Variants in ADRA1A observed in about 807,000 individuals in gnomAD.
The protein encoded by ADRA1A is adrenoceptor alpha 1A.
Under a neutral mutation model 29.6 loss-of-function variants are expected in ADRA1A, and 31 were observed. That is an observed-to-expected ratio of 1.05 (90% CI 0.79 to 1.41). The LOEUF (loss-of-function observed/expected upper bound fraction) is 1.41. ADRA1A is among the 40% of genes most tolerant of loss of function. ADRA1A has a pLI of 0.00. For missense variants in ADRA1A, 619 were observed against 601.1 expected, an observed-to-expected ratio of 1.03 and a Z score of -0.31; for synonymous variants, 311 against 254.3, an observed-to-expected ratio of 1.22 and a Z score of -2.12.
downstream of ADRA1A, among the ~76,000 whole-genome samples, chr8:26,764,304 GC>G (rs1442797604): frequency 6.6e-6 from 1 of 152,186 alleles, no homozygotes; most frequent in Non-Finnish European, 1.5e-5. Flanking sequence ...CTCCTGCCCT[GC>G]CTATTTCCTT....
intron 2 of ADRA1A, among the ~76,000 whole-genome samples, chr8:26,750,158 C>T (rs1226869829): frequency 6.6e-6 from 1 of 152,138 alleles, no homozygotes; most frequent in Non-Finnish European, 1.5e-5. Context: ...TCGCTGGAAC[C>T]TCAGATAGCA....
Position 26,825,943 on chromosome 8 carries a change from C to T in ADRA1A, c.883+38144G>A, listed in dbSNP as rs1810525231. Among the ~76,000 whole-genome samples the T allele has an allele frequency of 6.6e-6, 1 of 152,202 alleles. No individual in the cohort carries two copies. Among genetic ancestry groups the T allele is most frequent in the Non-Finnish European group, 1.5e-5 (1 of 68,032 alleles). ...TCCCAAGTGCTGAGCTGGGCACTGG[C>T]CATGCCAAAAACACATAAACACATT... On this transcript the variant is annotated intron_variant, in intron 2 of 2. Coordinates refer to ENST00000380573, the MANE Select transcript of ADRA1A (RefSeq NM_000680.4). The surrounding 1 kb of genome is among the most constrained non-coding windows in gnomAD (Gnocchi z 5.7).
rs1402376311 is a variant in ADRA1A, at chr8:26,770,316, C to T, written c.1234G>A (p.Val412Met). The T allele has an allele frequency of 3.1e-6, 5 of 1,614,114 alleles. No individual in the cohort carries two copies. In the East Asian group the frequency reaches 1.1e-4, roughly 36 times the overall value. Residue 412 changes from valine (V) to methionine (M), a missense_variant, in exon 3 of 3, where the codon GTG (valine) becomes ATG (methionine). Val to Met is a conservative substitution (Grantham distance 21). Transcript: ENST00000380573. ...SMPRGSARIT[V>M]SKDQSSCTTA... Reference sequence around the variant, plus strand: ...GTACAGGAGGATTGGTCTTTGGACACTGTAATCCTGGCAGATCCACGGGGC... The same window carrying T: ...GTACAGGAGGATTGGTCTTTGGACATTGTAATCCTGGCAGATCCACGGGGC...
At chr8:26,863,795 T>C (rs1421496229) in intron 2 of ADRA1A, among the ~76,000 whole-genome samples, 1 of 152,176 alleles carries the variant, frequency 6.6e-6, no homozygotes, top group Non-Finnish European at 1.5e-5. Flanking sequence ...AACACGTGCT[T>C]ATAGGCATTA....
intron 2 of ADRA1A, among the ~76,000 whole-genome samples, chr8:26,757,656 A>G (rs188466570): frequency 7.9e-5 from 12 of 152,250 alleles, no homozygotes; most frequent in Admixed American, 3.9e-4. Context: ...ATTTGCAGTG[A>G]AGTCAAAACG....
chr8:26,838,928 C>T (rs2130688537), intron 2 of ADRA1A, among the ~76,000 whole-genome samples: 1 of 152,266 alleles, frequency 6.6e-6, no homozygotes, highest in South Asian at 2.1e-4. Context: ...GTTAAGGCCA[C>T]CTGACCCTCA....
intron 2 of ADRA1A, among the ~76,000 whole-genome samples, chr8:26,794,499 C>T (rs199852350): frequency 1.3e-5 from 2 of 152,010 alleles, no homozygotes; most frequent in Non-Finnish European, 2.9e-5. Context: ...TCAGTTCTGC[C>T]ACTGTAGCTT....
At chr8:26,847,357 T>C (rs1256323735) in intron 2 of ADRA1A, among the ~76,000 whole-genome samples, 1 of 152,136 alleles carries the variant, frequency 6.6e-6, no homozygotes, top group Non-Finnish European at 1.5e-5. Flanking sequence ...ACTACTAATG[T>C]GACCTCTTTA....
rs1283645031 is a variant in ADRA1A, at chr8:26,805,963, C to T, written c.884-35297G>A. Among the ~76,000 whole-genome samples the T allele has an allele frequency of 1.3e-5, 2 of 152,212 alleles. No individual in the cohort carries two copies. The highest frequency in any genetic ancestry group is 2.9e-5 in the Non-Finnish European group (2 of 68,048). On this transcript the variant is annotated intron_variant, in intron 2 of 2. Coordinates refer to ENST00000380573, the MANE Select transcript of ADRA1A (RefSeq NM_000680.4). This position sits in a 1 kb window ranked among gnomAD's most constrained non-coding sequence, Gnocchi z 4.8. The stretch of plus-strand genomic sequence containing the variant: ...CACTGTTGCAGGTGCAGGCCCCCTC[C>T]ACACCCACTCTGGAAAGCTGAGGGT...
chr8:26,804,782 G>A (rs1808847525), intron 2 of ADRA1A, among the ~76,000 whole-genome samples: 1 of 152,162 alleles, frequency 6.6e-6, no homozygotes. Context: ...TTCGAGGATG[G>A]TTATGTCAGA....
chr8:26,757,241 T>C, intron 2 of ADRA1A: 1 of 677,430 alleles, frequency 1.5e-6, no homozygotes, highest in Non-Finnish European at 2.7e-6. Context: ...CGAGAGACCA[T>C]TTGGCAGGGA....
At position 26,811,647 on chromosome 8, in the gene ADRA1A, CTA is replaced by C. The variant is rs568812080; in HGVS notation, c.884-40983_884-40982del. Among the ~76,000 whole-genome samples, 379 of 152,300 alleles carry C rather than the reference CTA, an allele frequency of 2.5e-3. 1 individual carries two copies. Among genetic ancestry groups the C allele is most frequent in the Non-Finnish European group, 4.3e-3 (292 of 68,024 alleles). On this transcript the variant is annotated intron_variant, in intron 2 of 2. Coordinates refer to ENST00000380573, the MANE Select transcript of ADRA1A (RefSeq NM_000680.4). Reference sequence around the variant, plus strand: ...TTTTGCGATCACTCTTAAATTTCTTCTATGTTTTAGATGGATATAACTTAAGA... The same window carrying C: ...TTTTGCGATCACTCTTAAATTTCTTCTGTTTTAGATGGATATAACTTAAGA...
chr8:26,849,113 A>C (rs1170886202), intron 2 of ADRA1A, among the ~76,000 whole-genome samples: 1 of 152,240 alleles, frequency 6.6e-6, no homozygotes, highest in Non-Finnish European at 1.5e-5. Flanking sequence ...GGAAAGCCAA[A>C]GTTCATAAGC....
At chr8:26,863,610 C>A (rs372407746) in intron 2 of ADRA1A, among the ~76,000 whole-genome samples, 74 of 152,128 alleles carry the variant, frequency 4.9e-4, no homozygotes, top group African/African-American at 1.7e-3. Context: ...ATAACAAACC[C>A]TTATGAATAA....
At chr8:26,756,472 G>C in exon 3 of ADRA1A, 1 of 1,480,432 alleles carries the variant, frequency 6.8e-7, no homozygotes, top group Non-Finnish European at 9.0e-7. Context: ...GTATGAAACT[G>C]ATTTACAAAA....
chr8:26,794,467 G>C (rs1201404886), intron 2 of ADRA1A, among the ~76,000 whole-genome samples: 1 of 152,054 alleles, frequency 6.6e-6, no homozygotes, highest in Non-Finnish European at 1.5e-5. Flanking sequence ...CTTGCTAGCT[G>C]TATGGTCTCT....
At chr8:26,752,402 T>C (rs769484488), downstream of ADRA1A, among the ~76,000 whole-genome samples, 18 of 152,222 alleles carry the variant, frequency 1.2e-4, no homozygotes, top group Admixed American at 2.6e-4. Context: ...GCCTGTGCCA[T>C]GTTACCTGCA....
intron 2 of ADRA1A, among the ~76,000 whole-genome samples, chr8:26,759,171 T>C (rs1805367829): frequency 1.3e-5 from 2 of 152,324 alleles, no homozygotes; most frequent in South Asian, 4.1e-4. Flanking sequence ...GAAGAAAGCA[T>C]GTGTTTTTGA....
intron 2 of ADRA1A, among the ~76,000 whole-genome samples, chr8:26,835,512 A>G (rs1347697057): frequency 1.3e-5 from 2 of 152,226 alleles, no homozygotes; most frequent in Non-Finnish European, 2.9e-5. Context: ...ACAGCGCAGC[A>G]GGAGAGAGAA....
Sources: gnomAD v4.1 joint callset for allele counts (sites outside exome capture counted in the v4.1 genomes callset) on GRCh38, gnomAD v4.1.1 for gene constraint, Gnocchi (gnomAD v3.1) non-coding constraint, MANE v1.5 for transcripts, NCBI Gene and HGNC (gene_info 2026-07-23, HGNC 2026-07-21) for gene names.